Variants in SLCO2B1 observed in about 807,000 individuals in gnomAD.
SLCO2B1 encodes the protein solute carrier organic anion transporter family member 2B1, also known as OATP-RP2.
A neutral mutation model predicts 67.3 loss-of-function variants in SLCO2B1; 41 were observed. The observed-to-expected ratio is 0.61, with a 90% CI of 0.47 to 0.79. The LOEUF is 0.79. Ranked by LOEUF, SLCO2B1 falls within the 30% of genes least tolerant of loss-of-function variation. The pLI is 0.00. For synonymous variants in SLCO2B1, 379 were observed against 381.4 expected (o/e 0.99, Z 0.07); for missense variants, 837 against 920.1 (o/e 0.91, Z 1.17).
At chr11:75,189,962 G>GAAA (rs561790970) in intron 8 of SLCO2B1, among the ~76,000 whole-genome samples, 1,169 of 113,074 alleles carry the variant, frequency 0.01, 25 homozygotes, top group African/African-American at 0.036. Flanking sequence ...ACCCTGTCTG[G>GAAA]AAAAAAAAAA....
intron 7 of SLCO2B1, among the ~76,000 whole-genome samples, chr11:75,182,373 C>T (rs953088242): frequency 6.6e-6 from 1 of 152,204 alleles, no homozygotes; most frequent in Non-Finnish European, 1.5e-5. Flanking sequence ...TCAGTTTCCT[C>T]TTCTGTAAAA....
chr11:75,155,141 C>A (rs11236356), intron 1 of SLCO2B1, among the ~76,000 whole-genome samples: 35,453 of 151,904 alleles, frequency 0.23, 4,574 homozygotes, highest in Admixed American at 0.38. Flanking sequence ...CCTGCCAGAT[C>A]TCCTTCAAGA....
rs1945051931 is a variant in SLCO2B1, at chr11:75,193,291, G to A, written c.1149G>A (p.Leu383=). ...FLLVVLSQVC[L]SSMAAGMATF... ...TGGTGGTCCTGTCCCAGGTATGCTTGTCATCCATGGCTGCGGGCATGGCCA... is the reference window on the plus strand; with the variant it reads ...TGGTGGTCCTGTCCCAGGTATGCTTATCATCCATGGCTGCGGGCATGGCCA... Residue 383 remains leucine (L), a synonymous_variant, in exon 9 of 14, where the codon TTG becomes TTA. Coordinates refer to ENST00000289575, the MANE Select transcript of SLCO2B1 (RefSeq NM_007256.5). This position sits in a 1 kb window ranked among gnomAD's most constrained non-coding sequence, Gnocchi z 4.2. 1 of 1,613,854 alleles carries A rather than the reference G, an allele frequency of 6.2e-7. No homozygotes were observed. Among genetic ancestry groups the A allele is most frequent in the African/African-American group, 1.3e-5 (1 of 74,930 alleles).
At chr11:75,189,755 A>G (rs369648205) in intron 8 of SLCO2B1, among the ~76,000 whole-genome samples, 27 of 152,230 alleles carry the variant, frequency 1.8e-4, no homozygotes, top group African/African-American at 6.5e-4. Context: ...GAGACCAACC[A>G]GGACAACATA....
chr11:75,167,051 C>A (rs1241104483), intron 4 of SLCO2B1, among the ~76,000 whole-genome samples: 1 of 152,168 alleles, frequency 6.6e-6, no homozygotes, highest in African/African-American at 2.4e-5. Context: ...GAGCCCAGCA[C>A]CTTGGGAGGT....
intron 4 of SLCO2B1, among the ~76,000 whole-genome samples, chr11:75,166,198 G>GT (rs992616618): frequency 9.2e-5 from 14 of 152,138 alleles, no homozygotes; most frequent in Non-Finnish European, 1.9e-4. Context: ...GTCACTGTGG[G>GT]TTTTTTTAGG....
At chr11:75,152,136 G>A (rs532515285) in intron 1 of SLCO2B1, among the ~76,000 whole-genome samples, 2 of 152,374 alleles carry the variant, frequency 1.3e-5, no homozygotes, top group South Asian at 2.1e-4. Context: ...ACAAGGAATC[G>A]CCTTGTAGCG....
intron 1 of SLCO2B1, among the ~76,000 whole-genome samples, chr11:75,162,165 C>T (rs1949828733): frequency 6.6e-6 from 1 of 152,106 alleles, no homozygotes; most frequent in South Asian, 2.1e-4. Context: ...GCCTTTATTC[C>T]CTGACTATGG....
rs1205533143 is a variant in SLCO2B1, at chr11:75,164,138, G to T, written c.285+38G>T. 3.1e-6 allele frequency: 5 copies of T among 1,592,562 alleles called. No individual in the cohort carries two copies. The African/African-American group carries it at 6.7e-5, about 21-fold the overall frequency. ...CCCAGCCACAGGGGTGGACACTGAG[G>T]GAGGCTTGCACCGCACCTTCCACCA... is the stretch of plus-strand genomic sequence containing the variant. On this transcript the variant is annotated intron_variant, in intron 3 of 13. Transcript: ENST00000289575.
intron 8 of SLCO2B1, among the ~76,000 whole-genome samples, chr11:75,192,463 G>A (rs1461393307): frequency 6.6e-6 from 1 of 152,190 alleles, no homozygotes; most frequent in Non-Finnish European, 1.5e-5. Flanking sequence ...GGTCAGGGCA[G>A]AGGATTGGGG....
At chr11:75,181,971 A>T (rs1272239723) in intron 7 of SLCO2B1, among the ~76,000 whole-genome samples, 2 of 152,202 alleles carry the variant, frequency 1.3e-5, no homozygotes, top group African/African-American at 4.8e-5. Flanking sequence ...GGCTCCCAAT[A>T]GCCACAGAAT....
intron 7 of SLCO2B1, among the ~76,000 whole-genome samples, chr11:75,179,613 G>T (rs572065116): frequency 6.6e-6 from 1 of 152,262 alleles, no homozygotes; most frequent in South Asian, 2.1e-4. Context: ...CAAGAAACAA[G>T]AAAGAATTTA....
chr11:75,170,698 G>A lies in SLCO2B1; in HGVS notation c.781+934G>A, dbSNP rs561365789. ...GAACAGATCTGCGCAGCTCTGAACAGCAGCCACCAGGGACAGCCCCGCCCC... is the reference window on the plus strand; with the variant it reads ...GAACAGATCTGCGCAGCTCTGAACAACAGCCACCAGGGACAGCCCCGCCCC... On this transcript the variant is annotated intron_variant, in intron 6 of 13. Coordinates refer to ENST00000289575, the MANE Select transcript of SLCO2B1 (RefSeq NM_007256.5). 2.6e-4 allele frequency among the ~76,000 whole-genome samples: 39 copies of A among 152,334 alleles called. 1 individual carries two copies. Among genetic ancestry groups the A allele is most frequent in the African/African-American group, 9.1e-4 (38 of 41,568 alleles).
chr11:75,192,957 C>T (rs1945045703), intron 8 of SLCO2B1, among the ~76,000 whole-genome samples: 1 of 152,080 alleles, frequency 6.6e-6, no homozygotes, highest in African/African-American at 2.4e-5. Context: ...GGCCGAGAAT[C>T]ACTTGAACCC....
At position 75,151,114 on chromosome 11, in the gene SLCO2B1, G is replaced by A; in HGVS notation, c.-268G>A. On this transcript the variant is annotated 5_prime_UTR_variant, in exon 1 of 14. Transcript: ENST00000289575. ...CCAGGGCAAGGGAGAGACAGAAGGA[G>A]CAAGTGACCCAGGGAGACAAACACT... 2.1e-6 allele frequency: 1 copy of A among 479,306 alleles called. No homozygotes were observed. The highest frequency in any genetic ancestry group is 3.4e-5 in the East Asian group (1 of 29,008). 29.7% of individuals were successfully genotyped at this position (479,306 alleles called of 1,614,324 possible).
chr11:75,162,858 C>T (rs936031947), intron 2 of SLCO2B1, 73 bp downstream of exon 2: 75 of 1,508,172 alleles, frequency 5.0e-5, no homozygotes, highest in Middle Eastern at 1.8e-4. Context: ...TGGTGTAATG[C>T]CAAGGAAGAC....
intron 7 of SLCO2B1, among the ~76,000 whole-genome samples, chr11:75,178,093 CAAAAAAAA>C (rs71804511): frequency 1.2e-5 from 1 of 84,390 alleles, no homozygotes; most frequent in Admixed American, 1.2e-4. Context: ...GATTCCATCT[CAAAAAAAA>C]AAAAAAAACA....
chr11:75,153,338 G>A (rs771641561), intron 1 of SLCO2B1, among the ~76,000 whole-genome samples: 17 of 152,276 alleles, frequency 1.1e-4, no homozygotes, highest in Middle Eastern at 3.4e-3. Flanking sequence ...GCCATTCTAG[G>A]GCAGACAGGT....
chr11:75,172,489 C>G lies in SLCO2B1; in HGVS notation c.892C>G (p.Pro298Ala). 4.3e-6 allele frequency: 7 copies of G among 1,614,158 alleles called. No individual in the cohort carries two copies. Among genetic ancestry groups the G allele is most frequent in the Non-Finnish European group, 5.1e-6 (6 of 1,180,028 alleles). The change falls in exon 7 of 14, where the codon CCC becomes GCC. Residue 298 changes from proline (P) to alanine (A), a missense_variant. Transcript: ENST00000289575. ...GGCTGCCATCCCCTACTTCTTCTTCCCCAAGGAAATGCCCAAGGAAAAACG... is the reference window on the plus strand; with the variant it reads ...GGCTGCCATCCCCTACTTCTTCTTCGCCAAGGAAATGCCCAAGGAAAAACG... The part of the protein sequence containing the change: ...ALAAIPYFFF[P>A]KEMPKEKREL...
Sources: allele counts gnomAD v4.1 joint callset (sites outside exome capture counted in the v4.1 genomes callset), GRCh38; gene constraint gnomAD v4.1.1; non-coding constraint Gnocchi (gnomAD v3.1); transcripts MANE v1.5; gene names NCBI Gene and HGNC (gene_info 2026-07-23, HGNC 2026-07-21).